The following KDM5A variants were observed in gnomAD, a reference collection of about 807,000 sequenced individuals.
KDM5A encodes lysine-specific demethylase 5A.
KDM5A carries 42 observed loss-of-function variants against 193.5 expected under a neutral mutation model. The observed-to-expected ratio is 0.22, with a 90% CI of 0.17 to 0.28. The LOEUF is 0.28. Among genes scored for constraint, KDM5A ranks in the 10% least tolerant of loss-of-function variants. The probability of loss-of-function intolerance (pLI) is 1.00; values close to 1 mark genes in which losing one functional copy is unlikely to be tolerated. For missense variants in KDM5A, 1,692 were observed against 2,055.1 expected (o/e 0.82, Z 3.42); for synonymous variants, 796 against 718.1 (o/e 1.11, Z -1.73).
At position 387,426 on chromosome 12, in the gene KDM5A, A is replaced by G. The variant is rs79509163; in HGVS notation, c.166-1452T>C. Among the ~76,000 whole-genome samples, 206 of 152,356 alleles carry G rather than the reference A, an allele frequency of 1.4e-3. 3 individuals carry two copies. The East Asian group carries it at 0.019, about 14-fold the overall frequency. On this transcript the variant is annotated intron_variant, in intron 1 of 27. Transcript: ENST00000399788. ...CTAATTAATAAATTCAAGAGTAGAT[A>G]AAAATATGACTTAGGAAAACCTTCA...
At chr12:384,725 G>A (rs958532575) in intron 2 of KDM5A, among the ~76,000 whole-genome samples, 1 of 152,066 alleles carries the variant, frequency 6.6e-6, no homozygotes, top group Admixed American at 6.6e-5. Flanking sequence ...TTTGTAAGTT[G>A]GTTTAACTCT....
chr12:323,946 T>A (rs1172499470), intron 14 of KDM5A, among the ~76,000 whole-genome samples, 165 bp from the exon 15 acceptor site: 1 of 152,224 alleles, frequency 6.6e-6, no homozygotes, highest in Non-Finnish European at 1.5e-5. Flanking sequence ...TAATCATTGC[T>A]AAATTTTTTT....
intron 14 of KDM5A, among the ~76,000 whole-genome samples, chr12:327,241 G>T (rs1943801980): frequency 6.6e-6 from 1 of 152,042 alleles, no homozygotes; most frequent in Non-Finnish European, 1.5e-5. Context: ...CAAAGCACAA[G>T]GGAAATAATG....
chr12:346,328 A>G (rs1234491780), intron 10 of KDM5A, among the ~76,000 whole-genome samples: 2 of 152,248 alleles, frequency 1.3e-5, no homozygotes, highest in Non-Finnish European at 2.9e-5. Flanking sequence ...AAATTCTACC[A>G]GAGGTACAAA....
intron 24 of KDM5A, among the ~76,000 whole-genome samples, chr12:305,283 T>C (rs1301625918): frequency 6.6e-6 from 1 of 152,086 alleles, no homozygotes; most frequent in Non-Finnish European, 1.5e-5. Context: ...TATTTTAATA[T>C]AAAAAAAGAT....
At chr12:368,403 G>T (rs1354142852) in intron 3 of KDM5A, among the ~76,000 whole-genome samples, 1 of 152,108 alleles carries the variant, frequency 6.6e-6, no homozygotes, top group Non-Finnish European at 1.5e-5. Context: ...GAGCCAGACT[G>T]CCAGTATTCA....
chr12:337,412 G>A (rs1422226208), intron 10 of KDM5A, among the ~76,000 whole-genome samples: 1 of 152,130 alleles, frequency 6.6e-6, no homozygotes, highest in African/African-American at 2.4e-5. Flanking sequence ...CTAGGAGGAA[G>A]AGCTACAAGA....
intron 22 of KDM5A, among the ~76,000 whole-genome samples, chr12:308,802 A>G (rs773050485): frequency 1.3e-5 from 2 of 152,210 alleles, no homozygotes; most frequent in Non-Finnish European, 2.9e-5. Context: ...AGAAAGAGCT[A>G]TATCACATGC....
chr12:371,440 G>A (rs1944426306), intron 3 of KDM5A, among the ~76,000 whole-genome samples: 1 of 150,218 alleles, frequency 6.7e-6, no homozygotes, highest in South Asian at 2.1e-4. Flanking sequence ...CATATCCTTT[G>A]CCCACTTTAT....
At chr12:326,565 A>G (rs975915920) in intron 14 of KDM5A, among the ~76,000 whole-genome samples, 1 of 152,224 alleles carries the variant, frequency 6.6e-6, no homozygotes, top group African/African-American at 2.4e-5. Flanking sequence ...ACACAGAAAG[A>G]AACCACTGGA....
chr12:292,810 A>T lies in KDM5A; in HGVS notation c.4815T>A (p.Asp1605Glu), dbSNP rs758384856. Residue 1605 changes from aspartate to glutamate, a missense_variant, in exon 27 of 28, where the codon GAT (aspartate) becomes GAA (glutamate). Around this residue, in one of 11 missense-constraint regions of KDM5A, gnomAD observed 965 missense variants for 1,061.0 expected, o/e 0.91. Coordinates refer to ENST00000399788, the MANE Select transcript of KDM5A (RefSeq NM_001042603.3). Reference protein sequence around the residue: ...YDWSGAEESDDENAVCAAQNC... With the variant: ...YDWSGAEESDEENAVCAAQNC... Reference sequence around the variant, plus strand: ...TCTGTGCTGCGCACACAGCATTCTCATCATCAGACTCCTCTGCTCCTGACC... The same window carrying T: ...TCTGTGCTGCGCACACAGCATTCTCTTCATCAGACTCCTCTGCTCCTGACC... The T allele has an allele frequency of 1.1e-5, 18 of 1,614,160 alleles. No homozygotes were observed. Among genetic ancestry groups the T allele is most frequent in the Non-Finnish European group, 1.4e-5 (16 of 1,180,014 alleles).
chr12:350,897 C>A, intron 9 of KDM5A, 118 bp from the exon 10 acceptor site: 1 of 921,118 alleles, frequency 1.1e-6, no homozygotes, highest in Non-Finnish European at 1.7e-6. Flanking sequence ...TCTTCTGATT[C>A]CCTAGAGCAG....
At chr12:372,551 A>T (rs1944442840) in intron 3 of KDM5A, among the ~76,000 whole-genome samples, 1 of 152,156 alleles carries the variant, frequency 6.6e-6, no homozygotes, top group Non-Finnish European at 1.5e-5. Context: ...GGACAACTTG[A>T]CTTCCTCTTT....
chr12:362,812 T>A, intron 5 of KDM5A, 151 bp downstream of exon 5: 1 of 685,130 alleles, frequency 1.5e-6, no homozygotes, highest in Non-Finnish European at 2.5e-6. Flanking sequence ...AAATGGCCCA[T>A]GAGCCAGGCA....
chr12:325,630 T>G (rs1228191469), intron 14 of KDM5A, among the ~76,000 whole-genome samples: 3 of 152,164 alleles, frequency 2.0e-5, no homozygotes, highest in Non-Finnish European at 4.4e-5. Flanking sequence ...GCCAAGATCG[T>G]GCCACTGCAC....
At chr12:325,391 A>T (rs939420440) in intron 14 of KDM5A, among the ~76,000 whole-genome samples, 9 of 151,992 alleles carry the variant, frequency 5.9e-5, no homozygotes, top group African/African-American at 2.2e-4. Flanking sequence ...GAAAAAATAT[A>T]TTTTTTTTGT....
rs1026080633 is a variant in KDM5A, at chr12:351,142, T to A, written c.1150-363A>T. On this transcript the variant is annotated intron_variant, in intron 9 of 27. Transcript: ENST00000399788. ...TATGATTTTAACACAAAATTTCATT[T>A]TCTTTTTGTTTTTAATTATACTTTA... is the stretch of plus-strand genomic sequence containing the variant. 5.9e-5 allele frequency among the ~76,000 whole-genome samples: 9 copies of A among 152,272 alleles called. No individual in the cohort carries two copies. The East Asian group carries it at 1.7e-3, about 29-fold the overall frequency.
intron 5 of KDM5A, among the ~76,000 whole-genome samples, chr12:357,696 C>T (rs1057051752): frequency 1.2e-4 from 18 of 151,122 alleles, no homozygotes; most frequent in African/African-American, 3.4e-4. Flanking sequence ...GGCATGGTGG[C>T]GCACGCCTAT....
intron 27 of KDM5A, among the ~76,000 whole-genome samples, chr12:290,698 T>C (rs1943281378): frequency 6.8e-6 from 1 of 147,984 alleles, no homozygotes; most frequent in Admixed American, 6.8e-5. Flanking sequence ...CCTGTTAATT[T>C]GACAATTTCA....
Sources: gnomAD v4.1 joint callset for allele counts (sites outside exome capture counted in the v4.1 genomes callset) on GRCh38, gnomAD v4.1.1 for gene constraint, gnomAD v4.1.1 regional missense constraint, MANE v1.5 for transcripts, NCBI Gene and HGNC (gene_info 2026-07-23, HGNC 2026-07-21) for gene names.